SOHLH1: variants seen among roughly 807,000 people sequenced by gnomAD.
SOHLH1 encodes the protein spermatogenesis and oogenesis specific basic helix-loop-helix 1, also known as spermatogenesis- and oogenesis-specific basic helix-loop-helix-containing protein 1.
A neutral mutation model predicts 36.2 loss-of-function variants in SOHLH1; 23 were observed. The observed-to-expected ratio is 0.64, with a 90% CI of 0.46 to 0.90. The LOEUF is 0.90. SOHLH1 is among the 40% of genes least tolerant of loss of function. The pLI, the probability that SOHLH1 is intolerant of heterozygous loss-of-function variation, is 0.00. For synonymous variants in SOHLH1, 289 were observed against 228.3 expected (o/e 1.27, Z -2.40); for missense variants, 608 against 517.0 (o/e 1.18, Z -1.71).
chr9:135,701,001 C>T (rs541952620), upstream of SOHLH1, among the ~76,000 whole-genome samples: 50 of 152,342 alleles, frequency 3.3e-4, no homozygotes, highest in Middle Eastern at 3.4e-3. Flanking sequence ...GCAGATGGTG[C>T]GGCCTCTCAG....
rs1834812922 is a variant in SOHLH1 at position 135,696,663 on chromosome 9, C to G, written c.610G>C (p.Glu204Gln). Reference protein sequence around the residue: ...SCTSLGTDKCEALLGLCQVRG... With the variant: ...SCTSLGTDKCQALLGLCQVRG... ...ACCTGGCACAGCCCCAACAGTGCCT[C>G]ACACTTGTCCGTGCCCAGGGACGTG... Residue 204 changes from glutamate (E) to glutamine (Q), a missense_variant, in exon 5 of 8, where the codon GAG becomes CAG. Glu to Gln is a conservative substitution (Grantham distance 29). Transcript: ENST00000425225. 6.2e-7 allele frequency: 1 copy of G among 1,612,812 alleles called. No homozygotes were observed. Among genetic ancestry groups the G allele is most frequent in the Non-Finnish European group, 8.5e-7 (1 of 1,179,912 alleles).
chr9:135,699,132 G>A lies in SOHLH1; in HGVS notation c.66-6C>T, dbSNP rs747262798. On this transcript the variant is annotated splice_polypyrimidine_tract_variant and splice_region_variant and intron_variant, in intron 1 of 7. Coordinates refer to ENST00000425225, the MANE Select transcript of SOHLH1 (RefSeq NM_001101677.2). ...GGGCACCAGACAGGGAGCCGCTGCCGAGAAAGCCAAGAGCACCGGGCCCTG... is the reference window on the plus strand; with the variant it reads ...GGGCACCAGACAGGGAGCCGCTGCCAAGAAAGCCAAGAGCACCGGGCCCTG... The A allele has an allele frequency of 9.4e-6, 15 of 1,593,706 alleles. No homozygotes were observed. Among genetic ancestry groups the A allele is most frequent in the Middle Eastern group, 2.1e-4 (1 of 4,690 alleles).
chr9:135,694,575 C>T (rs1296894161), intron 6 of SOHLH1, 118 bp from the exon 7 acceptor site: 1 of 1,395,550 alleles, frequency 7.2e-7, no homozygotes, highest in Non-Finnish European at 9.8e-7. Context: ...CTAGGCACCA[C>T]TCCTGACAGG....
chr9:135,699,234 G>C lies in SOHLH1; in HGVS notation c.66-108C>G, dbSNP rs183288486. 2.2e-4 allele frequency: 336 copies of C among 1,524,810 alleles called. 1 individual carries two copies. The African/African-American group carries it at 4.2e-3, about 19-fold the overall frequency. 94.5% of individuals were successfully genotyped at this position (1,524,810 alleles called of 1,614,324 possible). ...TGGGGTGCGGGTGGAAGCCAAGACT[G>C]GGTCACGTAGGGACACGGCCCGGCC... On this transcript the variant is annotated intron_variant, in intron 1 of 7. Coordinates refer to ENST00000425225, the MANE Select transcript of SOHLH1 (RefSeq NM_001101677.2).
chr9:135,701,891 T>G (rs1835045656), upstream of SOHLH1, among the ~76,000 whole-genome samples: 1 of 152,166 alleles, frequency 6.6e-6, no homozygotes, highest in Non-Finnish European at 1.5e-5. Context: ...CAGAGCCCCC[T>G]GAGCCCCCGC....
intron 6 of SOHLH1, 146 bp from the exon 7 acceptor site, chr9:135,694,603 G>A (rs1423917933): frequency 1.3e-5 from 16 of 1,223,808 alleles, no homozygotes; most frequent in Non-Finnish European, 1.7e-5. Flanking sequence ...CTGCCCAGCG[G>A]GGAGAAATGC....
Position 135,693,725 on chromosome 9 carries a change from C to T in SOHLH1, c.1036G>A (p.Asp346Asn). 6.4e-7 allele frequency: 1 copy of T among 1,574,036 alleles called. No individual in the cohort carries two copies. The highest frequency in any genetic ancestry group is 8.6e-7 in the Non-Finnish European group (1 of 1,160,666). ...LDVGEPGFLG[D>N]PELGSQELQD... ...AGCTCCTGGGAGCCAAGCTCAGGGT[C>T]CCCTAGGAAGCCTGGCTCTCCAACA... Residue 346 changes from aspartate (D) to asparagine (N), a missense_variant, in exon 8 of 8, where the codon GAC becomes AAC. Physicochemically the swap from Asp to Asn is conservative, Grantham distance 23. Transcript: ENST00000425225.
Position 135,699,080 on chromosome 9 carries a change from C to G in SOHLH1, c.112G>C (p.Gly38Arg). 1 of 1,610,578 alleles carries G rather than the reference C, an allele frequency of 6.2e-7. No homozygotes were observed. Among genetic ancestry groups the G allele is most frequent in the Admixed American group, 1.7e-5 (1 of 59,944 alleles). Residue 38 changes from glycine (G) to arginine (R), a missense_variant, in exon 2 of 8, where the codon GGC becomes CGC. Gly to Arg is a moderately radical substitution (Grantham distance 125). Coordinates refer to ENST00000425225, the MANE Select transcript of SOHLH1 (RefSeq NM_001101677.2). ...GTAGGGGCCTTGGGCGGGCCCGAGC[C>G]CCGGGCCGAGTCCTCGCAGCAGGAG... ...ALSCCEDSAR[G>R]SGPPKAPTVA...
upstream of SOHLH1, among the ~76,000 whole-genome samples, chr9:135,699,920 G>A (rs1834974997): frequency 6.6e-6 from 1 of 152,156 alleles, no homozygotes; most frequent in African/African-American, 2.4e-5. Flanking sequence ...GGGGACCCAG[G>A]GACACAGGGA....
chr9:135,695,575 C>G (rs1834761592), intron 5 of SOHLH1, among the ~76,000 whole-genome samples: 1 of 152,154 alleles, frequency 6.6e-6, no homozygotes, highest in African/African-American at 2.4e-5. Flanking sequence ...TCCCGGACCT[C>G]GAGCTCTGCC....
At chr9:135,695,943 C>T (rs753564824) in intron 5 of SOHLH1, among the ~76,000 whole-genome samples, 3 of 152,166 alleles carry the variant, frequency 2.0e-5, no homozygotes, top group Non-Finnish European at 2.9e-5. Context: ...GCAGCATAGG[C>T]GGAAGGGCAG....
chr9:135,698,198 C>A, intron 3 of SOHLH1, 131 bp downstream of exon 3: 1 of 1,275,728 alleles, frequency 7.8e-7, no homozygotes, highest in Non-Finnish European at 1.1e-6. Flanking sequence ...GAAAACGTGG[C>A]CTGCTCTAGC....
At position 135,698,357 on chromosome 9, in the gene SOHLH1, G is replaced by A. The variant is rs752937538; in HGVS notation, c.317C>T (p.Ala106Val). ...GTGCTGCTCCTGACTGGGCCCCAGG[G>A]CGCTGGCAAGCCGCAGGAACTGCAC... ...MSVQFLRLAS[A>V]LGPSQEQHAI... The change falls in exon 3 of 8, where the codon GCC becomes GTC. Residue 106 changes from alanine to valine, a missense_variant. Physicochemically the swap from Ala to Val is moderately conservative, Grantham distance 64. Transcript: ENST00000425225. The A allele has an allele frequency of 8.7e-6, 14 of 1,612,896 alleles. No homozygotes were observed. The highest frequency in any genetic ancestry group is 3.3e-4 in the Middle Eastern group (2 of 6,084).
At position 135,695,118 on chromosome 9, in the gene SOHLH1, G is replaced by A. The variant is rs1237973833; in HGVS notation, c.807C>T (p.Pro269=). The A allele has an allele frequency of 6.3e-7, 1 of 1,595,674 alleles. No individual in the cohort carries two copies. Among genetic ancestry groups the A allele is most frequent in the South Asian group, 1.1e-5 (1 of 88,368 alleles). ...EALGWLGQAG[P]LAMGAAPLGE... is the part of the protein sequence containing the mutation. Reference sequence around the variant, plus strand: ...CCAGAGGTGCAGCCCCCATGGCCAGGGGCCCAGCCTGGCCCAGCCAGCCAA... The same window carrying A: ...CCAGAGGTGCAGCCCCCATGGCCAGAGGCCCAGCCTGGCCCAGCCAGCCAA... Residue 269 remains proline, a synonymous_variant, in exon 6 of 8, where the codon CCC becomes CCT. Coordinates refer to ENST00000425225, the MANE Select transcript of SOHLH1 (RefSeq NM_001101677.2).
Position 135,693,699 on chromosome 9 carries a change from G to A in SOHLH1, c.1062C>T (p.Leu354=), listed in dbSNP as rs1368925475. Residue 354 remains leucine, a synonymous_variant, in exon 8 of 8, where the codon CTC becomes CTT. Coordinates refer to ENST00000425225, the MANE Select transcript of SOHLH1 (RefSeq NM_001101677.2). The part of the protein sequence containing the change: ...LGDPELGSQE[L]QDSPLEPWGL... ...CCCACGGCTCCAGAGGGCTGTCCTG[G>A]AGCTCCTGGGAGCCAAGCTCAGGGT... 2 of 1,575,248 alleles carry A rather than the reference G, an allele frequency of 1.3e-6. No individual in the cohort carries two copies. Among genetic ancestry groups the A allele is most frequent in the Non-Finnish European group, 1.7e-6 (2 of 1,161,244 alleles).
At chr9:135,696,836 G>A (rs750121613) in intron 4 of SOHLH1, 31 bp from the exon 5 acceptor site, 7 of 1,611,052 alleles carry the variant, frequency 4.3e-6, no homozygotes, top group East Asian at 2.2e-5. Context: ...AGGATCCTGG[G>A]TCTATTCCCC....
At position 135,699,124 on chromosome 9, in the gene SOHLH1, C is replaced by T; in HGVS notation, c.68G>A (p.Gly23Asp). 2.5e-6 allele frequency: 4 copies of T among 1,597,828 alleles called. No homozygotes were observed. The highest frequency in any genetic ancestry group is 3.4e-6 in the Non-Finnish European group (4 of 1,175,162). The change falls in exon 2 of 8, where the codon GGC (glycine) becomes GAC (aspartate). Residue 23 changes from glycine to aspartate, a missense_variant and splice_region_variant. By Grantham distance (94) the Gly-to-Asp change is moderately conservative (BLOSUM62 -1). Transcript: ENST00000425225. ...GCAGGAGAGGGCACCAGACAGGGAG[C>T]CGCTGCCGAGAAAGCCAAGAGCACC... ...SRIPTVRGCNGSLSGALSCCE... is the reference protein window; with the variant it reads ...SRIPTVRGCNDSLSGALSCCE...
chr9:135,697,621 C>T lies in SOHLH1; in HGVS notation c.352G>A (p.Ala118Thr), dbSNP rs1834858085. 2 of 1,611,252 alleles carry T rather than the reference C, an allele frequency of 1.2e-6. No individual in the cohort carries two copies. Among genetic ancestry groups the T allele is most frequent in the Non-Finnish European group, 1.7e-6 (2 of 1,179,056 alleles). Residue 118 changes from alanine (A) to threonine (T), a missense_variant, in exon 4 of 8, where the codon GCT becomes ACT. Coordinates refer to ENST00000425225, the MANE Select transcript of SOHLH1 (RefSeq NM_001101677.2). ...GAGTGCCACATTTCCTTGGAGGAAG[C>T]AAGAATCTGAAATTTAAGTAAACAT... is the stretch of plus-strand genomic sequence containing the variant. Reference protein sequence around the residue: ...GPSQEQHAILASSKEMWHSLQ... With the variant: ...GPSQEQHAILTSSKEMWHSLQ...
rs1013169794 is a variant in SOHLH1, at chr9:135,698,184, T to C, written c.345+145A>G. ...GGCTTGAACAAATCAGGAAGTGCCC[T>C]GCCGAAAACGTGGCCTGCTCTAGCC... On this transcript the variant is annotated intron_variant, in intron 3 of 7. Coordinates refer to ENST00000425225, the MANE Select transcript of SOHLH1 (RefSeq NM_001101677.2). 1.1e-5 allele frequency: 12 copies of C among 1,087,082 alleles called. No homozygotes were observed. In the African/African-American group the frequency reaches 1.7e-4, roughly 15 times the overall value. 67.3% of individuals were successfully genotyped at this position (1,087,082 alleles called of 1,614,324 possible).
Sources: allele counts gnomAD v4.1 joint callset (sites outside exome capture counted in the v4.1 genomes callset), GRCh38; gene constraint gnomAD v4.1.1; transcripts MANE v1.5; gene names NCBI Gene and HGNC (gene_info 2026-07-23, HGNC 2026-07-21).